FMN2: variants seen among roughly 807,000 people sequenced by gnomAD.
FMN2 encodes the protein formin-2.
Under a neutral mutation model 142.3 loss-of-function variants are expected in FMN2, and 51 were observed. That is an observed-to-expected ratio of 0.36 (90% CI 0.29 to 0.45). The LOEUF is 0.45. Among genes scored for constraint, FMN2 ranks in the 20% least tolerant of loss-of-function variants. FMN2 has a pLI of 1.00. For synonymous variants in FMN2, 882 were observed against 869.8 expected, an observed-to-expected ratio of 1.01 and a Z score of -0.25; for missense variants, 1,936 against 2,122.8, an observed-to-expected ratio of 0.91 and a Z score of 1.73.
chr1:240,232,677 A>T (rs1487790129), intron 6 of FMN2, among the ~76,000 whole-genome samples: 1 of 152,164 alleles, frequency 6.6e-6, no homozygotes, highest in Non-Finnish European at 1.5e-5. Context: ...ACCAAACAGT[A>T]ATTTGTTTGT....
At position 240,207,571 on chromosome 1, in the gene FMN2, T is replaced by C. The variant is rs764967976; in HGVS notation, c.2759T>C (p.Ile920Thr). 5 of 1,593,744 alleles carry C rather than the reference T, an allele frequency of 3.1e-6. No homozygotes were observed. The highest frequency in any genetic ancestry group is 4.3e-6 in the Non-Finnish European group (5 of 1,171,810). ...PPPPPLPGAG[I>T]PPPPPLPGAG... ...CCCCCTCCTCTTCCCGGAGCGGGCA[T>C]ACCTCCTCCGCCGCCTCTACCCGGA... Residue 920 changes from isoleucine (I) to threonine (T), a missense_variant, in exon 5 of 18, where the codon ATA (isoleucine) becomes ACA (threonine). Physicochemically the swap from Ile to Thr is moderately conservative, Grantham distance 89. Around this residue, in one of 8 missense-constraint regions of FMN2, gnomAD observed 478 missense variants for 462.8 expected, o/e 1.03. Transcript: ENST00000319653.
chr1:240,245,464 C>G, intron 6 of FMN2: 1 of 465,986 alleles, frequency 2.1e-6, no homozygotes, highest in Non-Finnish European at 4.4e-6. Context: ...ACCAGAAATG[C>G]AGAGGAAGTT....
chr1:240,122,250 G>GTTAT (rs59141517), intron 1 of FMN2, among the ~76,000 whole-genome samples: 2,909 of 149,296 alleles, frequency 0.019, 66 homozygotes, highest in African/African-American at 0.056. Flanking sequence ...ACCACGGCTG[G>GTTAT]TTATTTATTT....
intron 15 of FMN2, among the ~76,000 whole-genome samples, chr1:240,406,092 T>G (rs376340812): frequency 0.066 from 2,160 of 32,514 alleles, no homozygotes; most frequent in Middle Eastern, 0.15. Context: ...GCGAAGGGAA[T>G]CAGCCTCGGG....
At chr1:240,125,031 C>T (rs928944174) in intron 2 of FMN2, among the ~76,000 whole-genome samples, 1 of 152,152 alleles carries the variant, frequency 6.6e-6, no homozygotes, top group Non-Finnish European at 1.5e-5. Flanking sequence ...TCTTATCAGC[C>T]TTCTTCAATA....
At chr1:240,411,010 G>C (rs953557031) in intron 15 of FMN2, among the ~76,000 whole-genome samples, 2 of 152,080 alleles carry the variant, frequency 1.3e-5, no homozygotes, top group Non-Finnish European at 2.9e-5. Flanking sequence ...GGCATTTTCT[G>C]TTAATTTATG....
At chr1:240,387,548 A>G (rs1048469056) in intron 14 of FMN2, among the ~76,000 whole-genome samples, 10 of 152,348 alleles carry the variant, frequency 6.6e-5, no homozygotes, top group South Asian at 6.2e-4. Flanking sequence ...TTCTATGCCA[A>G]TTAAAACAAC....
At chr1:240,188,095 T>A (rs1665555823) in intron 3 of FMN2, 112 bp from the exon 4 acceptor site, 2 of 972,870 alleles carry the variant, frequency 2.1e-6, no homozygotes, top group South Asian at 3.1e-5. Flanking sequence ...GACTGGATAT[T>A]TTTTGGTACT....
At chr1:240,404,629 T>C (rs1674089658) in intron 15 of FMN2, among the ~76,000 whole-genome samples, 1 of 152,252 alleles carries the variant, frequency 6.6e-6, no homozygotes, top group Admixed American at 6.5e-5. Context: ...GGAAAGCTGT[T>C]GTTTCATGCC....
At chr1:240,413,266 G>A (rs922364210) in intron 15 of FMN2, among the ~76,000 whole-genome samples, 1 of 151,676 alleles carries the variant, frequency 6.6e-6, no homozygotes, top group Non-Finnish European at 1.5e-5. Flanking sequence ...TCAGTGGGTG[G>A]TTTTTATGGA....
At chr1:240,377,874 A>G (rs1465385336) in intron 14 of FMN2, among the ~76,000 whole-genome samples, 1 of 152,086 alleles carries the variant, frequency 6.6e-6, no homozygotes, top group East Asian at 1.9e-4. Flanking sequence ...CCCATAATTT[A>G]TTATATTATA....
intron 8 of FMN2, among the ~76,000 whole-genome samples, chr1:240,321,751 C>T (rs1670979944): frequency 6.6e-6 from 1 of 152,108 alleles, no homozygotes; most frequent in Admixed American, 6.6e-5. Context: ...ATACAGATTC[C>T]AGCTATAAGC....
At chr1:240,158,159 G>A (rs1664108089) in intron 2 of FMN2, among the ~76,000 whole-genome samples, 1 of 151,900 alleles carries the variant, frequency 6.6e-6, no homozygotes, top group South Asian at 2.1e-4. Flanking sequence ...GTTAGAAGAT[G>A]TGTTAAATAT....
intron 1 of FMN2, among the ~76,000 whole-genome samples, chr1:240,109,078 G>C (rs1661712651): frequency 6.6e-6 from 1 of 151,924 alleles, no homozygotes; most frequent in South Asian, 2.1e-4. Context: ...TGCACACAAG[G>C]AAAAAATATC....
chr1:240,277,522 CTTCTTTTTTTTTT>C lies in FMN2; in HGVS notation c.4154-17297_4154-17285del, dbSNP rs1033860024. Among the ~76,000 whole-genome samples the C allele has an allele frequency of 7.7e-5, 7 of 91,268 alleles. No individual in the cohort carries two copies. The South Asian group carries it at 1.1e-3, about 15-fold the overall frequency. The allele number at this position is 91,268 out of a possible 152,430, so 59.9% of individuals were successfully genotyped here. ...ACCCAACTTTAAGTACCTGCATCTTCTTCTTTTTTTTTTTTTTTTTTTTTTTTTGAGACAGAGT... is the reference window on the plus strand; with the variant it reads ...ACCCAACTTTAAGTACCTGCATCTTCTTTTTTTTTTTTTTTGAGACAGAGT... On this transcript the variant is annotated intron_variant, in intron 7 of 17. Transcript: ENST00000319653.
At chr1:240,323,123 C>A (rs1413546506) in intron 8 of FMN2, among the ~76,000 whole-genome samples, 1 of 135,386 alleles carries the variant, frequency 7.4e-6, no homozygotes. Flanking sequence ...TTTTCTTTTT[C>A]TTTCCTTCCT....
At chr1:240,330,833 A>G in intron 11 of FMN2, 84 bp downstream of exon 11, 1 of 1,492,580 alleles carries the variant, frequency 6.7e-7, no homozygotes, top group South Asian at 1.4e-5. Flanking sequence ...AAGCAGTTGT[A>G]AAAAATATTT....
chr1:240,306,583 T>A (rs1170614724), intron 8 of FMN2, among the ~76,000 whole-genome samples: 1 of 152,188 alleles, frequency 6.6e-6, no homozygotes, highest in Non-Finnish European at 1.5e-5. Context: ...CATGACTTCA[T>A]TCTTTTCATG....
At position 240,474,291 on chromosome 1, in the gene FMN2, A is replaced by T; in HGVS notation, c.*137A>T. ...CTTGCATAATCTTTTTGTTTTCTAGACAGTTCACTAATTGTTGAATTTTAC... is the reference window on the plus strand; with the variant it reads ...CTTGCATAATCTTTTTGTTTTCTAGTCAGTTCACTAATTGTTGAATTTTAC... On this transcript the variant is annotated 3_prime_UTR_variant, in exon 18 of 18. Transcript: ENST00000319653. The T allele has an allele frequency of 1.3e-6, 1 of 762,670 alleles. No homozygotes were observed. The allele number at this position is 762,670 out of a possible 1,614,324, so 47.2% of individuals were successfully genotyped here.
Sources: gnomAD v4.1 joint callset for allele counts (sites outside exome capture counted in the v4.1 genomes callset) on GRCh38, gnomAD v4.1.1 for gene constraint, gnomAD v4.1.1 regional missense constraint, MANE v1.5 for transcripts, NCBI Gene and HGNC (gene_info 2026-07-23, HGNC 2026-07-21) for gene names.